Variants in C11orf65 observed in about 807,000 individuals in gnomAD.
C11orf65 encodes the protein protein MFI.
Under a neutral mutation model 35.3 loss-of-function variants are expected in C11orf65, and 38 were observed. The observed-to-expected ratio is 1.08, with a 90% CI of 0.83 to 1.41. C11orf65 has a LOEUF of 1.41. Among genes scored for constraint, C11orf65 ranks in the 40% most tolerant of loss-of-function variants. C11orf65 has a pLI of 0.00. For synonymous variants in C11orf65, 105 were observed against 114.4 expected, an observed-to-expected ratio of 0.92 and a Z score of 0.53; for missense variants, 370 against 367.1, an observed-to-expected ratio of 1.01 and a Z score of -0.06.
chr11:108,369,263 G>A (rs768844931), intron 2 of C11orf65, among the ~76,000 whole-genome samples: 2 of 152,172 alleles, frequency 1.3e-5, no homozygotes, highest in Non-Finnish European at 2.9e-5. Flanking sequence ...GTGAACCGGG[G>A]AGCCTATTGC....
intron 3 of C11orf65, among the ~76,000 whole-genome samples, chr11:108,413,181 C>A (rs1379497075): frequency 1.3e-5 from 2 of 152,190 alleles, no homozygotes; most frequent in Non-Finnish European, 2.9e-5. Context: ...ATAAAACACA[C>A]CTTAATACAC....
At chr11:108,317,735 T>C (rs117867175) in intron 6 of C11orf65, among the ~76,000 whole-genome samples, 2 of 148,218 alleles carry the variant, frequency 1.3e-5, no homozygotes, top group Admixed American at 6.7e-5. Flanking sequence ...TAAAAAAATA[T>C]ATAGTAGATG....
chr11:108,434,449 G>A (rs1181675418), intron 2 of C11orf65, among the ~76,000 whole-genome samples: 3 of 151,696 alleles, frequency 2.0e-5, no homozygotes, highest in South Asian at 4.2e-4. Flanking sequence ...AGGTTGCAGT[G>A]AGCCGAAATG....
At chr11:108,370,358 T>A (rs2091524401) in intron 2 of C11orf65, among the ~76,000 whole-genome samples, 1 of 152,048 alleles carries the variant, frequency 6.6e-6, no homozygotes, top group Admixed American at 6.5e-5. Context: ...ATATATATAG[T>A]CATATCATCT....
At chr11:108,358,357 T>A (rs1385197685) in intron 2 of C11orf65, among the ~76,000 whole-genome samples, 16 of 144,662 alleles carry the variant, frequency 1.1e-4, no homozygotes, top group South Asian at 4.6e-4. Flanking sequence ...TGGAACCAAG[T>A]TGGAAAACAC....
chr11:108,407,737 G>A (rs2092569033), intron 3 of C11orf65, among the ~76,000 whole-genome samples: 1 of 151,226 alleles, frequency 6.6e-6, no homozygotes, highest in South Asian at 2.1e-4. Flanking sequence ...GAGGTCAGGA[G>A]ATCGAGACCA....
chr11:108,313,674 C>G (rs1475460829), intron 6 of C11orf65, among the ~76,000 whole-genome samples: 1 of 152,152 alleles, frequency 6.6e-6, no homozygotes, highest in Non-Finnish European at 1.5e-5. Flanking sequence ...GTGTACTAAG[C>G]ACTGTGCTAA....
chr11:108,324,407 T>C (rs957305225), intron 6 of C11orf65, among the ~76,000 whole-genome samples: 9 of 152,164 alleles, frequency 5.9e-5, no homozygotes, highest in Non-Finnish European at 8.8e-5. Flanking sequence ...AATAAATTAA[T>C]ACATTTTAGA....
chr11:108,444,591 C>G lies in C11orf65; in HGVS notation c.82-12753G>C, dbSNP rs556718730. 1.0e-3 allele frequency among the ~76,000 whole-genome samples: 153 copies of G among 152,276 alleles called. 1 individual carries two copies. In the Middle Eastern group the frequency reaches 0.024, roughly 24 times the overall value. ...TCCATAAAATACTGGCAAACCGCAT[C>G]CAGCAGCACATCAAAAAGCTTATCC... is the stretch of plus-strand genomic sequence containing the variant. On this transcript the variant is annotated intron_variant, in intron 2 of 8. Transcript: ENST00000393084.
chr11:108,340,212 C>T (rs985279477), intron 2 of C11orf65: 1 of 152,132 alleles, frequency 6.6e-6, no homozygotes, highest in Non-Finnish European at 1.5e-5. Context: ...GAGACAATAA[C>T]ATCATGAACC....
chr11:108,435,295 T>C (rs970675259), intron 2 of C11orf65, among the ~76,000 whole-genome samples: 1 of 151,966 alleles, frequency 6.6e-6, no homozygotes, highest in Non-Finnish European at 1.5e-5. Flanking sequence ...CACCTGACCA[T>C]CTTGTTCTCC....
At position 108,367,870 on chromosome 11, in the gene C11orf65, T is replaced by C. The variant is rs185852664; in HGVS notation, c.226+25338A>G. On this transcript the variant is annotated intron_variant, in intron 2 of 3. Transcript: ENST00000524755. ...ACAAGCTGCCTAAATGAATATTTGG[T>C]ATATATTGGTAGTTTTATTACTATA... 60 of 205,650 alleles carry C rather than the reference T, an allele frequency of 2.9e-4. No homozygotes were observed. Among genetic ancestry groups the C allele is most frequent in the African/African-American group, 1.3e-3 (55 of 43,918 alleles). The allele number at this position is 205,650 out of a possible 1,614,324, so 12.7% of individuals were successfully genotyped here.
chr11:108,440,695 G>A (rs1204398445), intron 2 of C11orf65, among the ~76,000 whole-genome samples: 1 of 152,148 alleles, frequency 6.6e-6, no homozygotes, highest in Non-Finnish European at 1.5e-5. Context: ...TTCTCACTCA[G>A]AATGAACATT....
chr11:108,385,745 T>A (rs1402086767), intron 8 of C11orf65, among the ~76,000 whole-genome samples, 175 bp downstream of exon 8: 1 of 152,210 alleles, frequency 6.6e-6, no homozygotes, highest in African/African-American at 2.4e-5. Context: ...TATAGGACAT[T>A]TCCTTCTATT....
intron 6 of C11orf65, among the ~76,000 whole-genome samples, chr11:108,316,990 T>C (rs2084720317): frequency 6.6e-6 from 1 of 151,840 alleles, no homozygotes; most frequent in Non-Finnish European, 1.5e-5. Flanking sequence ...CTGGAGTGCA[T>C]TAGCGTGATC....
intron 2 of C11orf65, among the ~76,000 whole-genome samples, chr11:108,447,946 G>A (rs905673411): frequency 1.3e-5 from 2 of 152,096 alleles, no homozygotes; most frequent in African/African-American, 4.8e-5. Flanking sequence ...AAATGATAAA[G>A]GGGATATCAC....
chr11:108,368,610 T>A (rs1027147966), intron 2 of C11orf65: 6 of 218,384 alleles, frequency 2.7e-5, no homozygotes, highest in Non-Finnish European at 5.5e-5. Flanking sequence ...GCGAAAAGAA[T>A]CTGGGGTTTG....
intron 3 of C11orf65, among the ~76,000 whole-genome samples, chr11:108,332,397 A>C (rs1306528960): frequency 6.6e-6 from 1 of 152,080 alleles, no homozygotes; most frequent in South Asian, 2.1e-4. Flanking sequence ...GCGCCATTGC[A>C]CTCCAGCCTG....
chr11:108,392,827 A>C (rs1006681016), intron 7 of C11orf65, among the ~76,000 whole-genome samples: 2 of 152,230 alleles, frequency 1.3e-5, no homozygotes, highest in Non-Finnish European at 2.9e-5. Context: ...GCCATAGTAC[A>C]TCACTGAAAA....
Sources: allele counts gnomAD v4.1 joint callset (sites outside exome capture counted in the v4.1 genomes callset), GRCh38; gene constraint gnomAD v4.1.1; transcripts MANE v1.5; gene names NCBI Gene and HGNC (gene_info 2026-07-23, HGNC 2026-07-21).